The following PPP2R2B variants were observed in gnomAD, a reference collection of about 807,000 sequenced individuals.
PPP2R2B encodes the protein serine/threonine-protein phosphatase 2A 55 kDa regulatory subunit B beta isoform.
In PPP2R2B, 5 loss-of-function variants were observed where a neutral mutation model predicts 46.0. The observed-to-expected ratio is 0.11, with a 90% CI of 0.06 to 0.23. The LOEUF (loss-of-function observed/expected upper bound fraction) is 0.23, where lower values mean the gene tolerates loss of function less well. Ranked by LOEUF, PPP2R2B falls within the 10% of genes least tolerant of loss-of-function variation. The pLI, the probability that PPP2R2B is intolerant of heterozygous loss-of-function variation, is 1.00. For synonymous variants in PPP2R2B, 215 were observed against 206.7 expected (o/e 1.04, Z -0.34); for missense variants, 367 against 575.0 (o/e 0.64, Z 3.70).
chr5:146,740,585 A>T (rs1297438259), intron 2 of PPP2R2B, among the ~76,000 whole-genome samples: 1 of 121,806 alleles, frequency 8.2e-6, no homozygotes, highest in Non-Finnish European at 1.7e-5. Flanking sequence ...ACACACACAC[A>T]CACACACACA....
intron 7 of PPP2R2B, among the ~76,000 whole-genome samples, chr5:146,629,860 C>T (rs1054192703): frequency 9.2e-5 from 14 of 151,960 alleles, no homozygotes; most frequent in Admixed American, 3.3e-4. Context: ...GTTGCCTAGG[C>T]TAGAGTGCAG....
At chr5:147,042,491 T>C (rs915001088) in intron 1 of PPP2R2B, among the ~76,000 whole-genome samples, 1 of 152,184 alleles carries the variant, frequency 6.6e-6, no homozygotes, top group African/African-American at 2.4e-5. Flanking sequence ...ATACTGTAGA[T>C]AATTCTTATT....
intron 8 of PPP2R2B, among the ~76,000 whole-genome samples, chr5:146,597,188 G>GTC (rs1453179827): frequency 2.0e-5 from 3 of 152,188 alleles, no homozygotes; most frequent in Admixed American, 2.0e-4. Flanking sequence ...TTGTATCTCT[G>GTC]TCTCTCTTCC....
At chr5:146,978,145 C>T (rs1307298104) in intron 1 of PPP2R2B, among the ~76,000 whole-genome samples, 2 of 152,136 alleles carry the variant, frequency 1.3e-5, no homozygotes, top group Admixed American at 6.6e-5. Flanking sequence ...AGCATTTTTT[C>T]ATATGTTTGT....
chr5:147,012,808 T>A (rs1754806669), intron 1 of PPP2R2B, among the ~76,000 whole-genome samples: 1 of 152,008 alleles, frequency 6.6e-6, no homozygotes, highest in Non-Finnish European at 1.5e-5. Flanking sequence ...TCAAAGAACA[T>A]CTTTATTTCT....
At chr5:146,956,787 G>A (rs1369772690) in intron 1 of PPP2R2B, among the ~76,000 whole-genome samples, 2 of 152,176 alleles carry the variant, frequency 1.3e-5, no homozygotes. Context: ...AGCAGATTTG[G>A]TGTCTGATGA....
intron 2 of PPP2R2B, among the ~76,000 whole-genome samples, chr5:146,809,124 G>A (rs1351875002): frequency 6.6e-6 from 1 of 152,090 alleles, no homozygotes; most frequent in Non-Finnish European, 1.5e-5. Context: ...GGCTTTGGGG[G>A]CAGCTTTCTC....
intron 1 of PPP2R2B, among the ~76,000 whole-genome samples, chr5:147,034,901 C>T (rs1755962030): frequency 6.6e-6 from 1 of 151,668 alleles, no homozygotes; most frequent in Admixed American, 6.6e-5. Context: ...CTTTGGATAA[C>T]TGATGACTGA....
chr5:146,620,539 G>A (rs1773591796), intron 7 of PPP2R2B, among the ~76,000 whole-genome samples: 1 of 152,220 alleles, frequency 6.6e-6, no homozygotes, highest in Non-Finnish European at 1.5e-5. Flanking sequence ...CTTTATGAGC[G>A]CTCATATTTG....
chr5:146,813,922 A>C (rs902187991), intron 2 of PPP2R2B, among the ~76,000 whole-genome samples: 15 of 152,178 alleles, frequency 9.9e-5, no homozygotes, highest in African/African-American at 3.6e-4. Context: ...CCAGGACAGG[A>C]AGTGGCAAGA....
chr5:146,776,622 G>C (rs1312974735), intron 2 of PPP2R2B, among the ~76,000 whole-genome samples: 1 of 151,892 alleles, frequency 6.6e-6, no homozygotes. Flanking sequence ...AAAAGCACAG[G>C]TAACAATAAC....
chr5:147,054,468 G>A (rs1756976831), intron 1 of PPP2R2B: 2 of 307,590 alleles, frequency 6.5e-6, no homozygotes, highest in East Asian at 7.8e-5. Context: ...AATTTTTAAA[G>A]GGAAATGTCC....
At position 146,988,236 on chromosome 5, in the gene PPP2R2B, A is replaced by T. The variant is rs191103935; in HGVS notation, c.79+67429T>A. Among the ~76,000 whole-genome samples the T allele has an allele frequency of 2.0e-5, 3 of 152,092 alleles. No individual in the cohort carries two copies. The East Asian group carries it at 5.8e-4, about 29-fold the overall frequency. ...CTAGACCAAAAATCAACAAAGAAAT[A>T]TTGGAATTAAACGACAGTCTAGACC... is the stretch of plus-strand genomic sequence containing the variant. On this transcript the variant is annotated intron_variant, in intron 1 of 8. Transcript: ENST00000336640.
intron 1 of PPP2R2B, among the ~76,000 whole-genome samples, chr5:146,967,657 G>A (rs896412305): frequency 2.6e-5 from 4 of 152,092 alleles, no homozygotes; most frequent in Non-Finnish European, 1.5e-5. Context: ...AACCTCAGGG[G>A]CAGCCCCACT....
At chr5:146,818,873 G>A (rs1394911775) in intron 2 of PPP2R2B, among the ~76,000 whole-genome samples, 2 of 152,138 alleles carry the variant, frequency 1.3e-5, no homozygotes, top group Non-Finnish European at 2.9e-5. Flanking sequence ...TTGACTCCCC[G>A]ATGTAAAGAT....
chr5:146,792,005 T>G (rs1756231732), intron 2 of PPP2R2B, among the ~76,000 whole-genome samples: 1 of 152,096 alleles, frequency 6.6e-6, no homozygotes, highest in African/African-American at 2.4e-5. Context: ...ACAGAGCTAA[T>G]GAGATGTTAG....
chr5:146,602,651 G>A lies in PPP2R2B; in HGVS notation c.791-2191C>T, dbSNP rs76192236. Among the ~76,000 whole-genome samples, 227 of 152,248 alleles carry A rather than the reference G, an allele frequency of 1.5e-3. 1 individual carries two copies. The South Asian group carries it at 0.03, about 20-fold the overall frequency. ...AAGAACCCAAGTATATAATTAAGTT[G>A]CTGAATTAAACCGTGAACTAAGCCA... On this transcript the variant is annotated intron_variant, in intron 7 of 9. Coordinates refer to ENST00000394411, the MANE Select transcript of PPP2R2B (RefSeq NM_181675.4).
chr5:146,767,963 A>G (rs1218074475), intron 2 of PPP2R2B, among the ~76,000 whole-genome samples: 2 of 152,184 alleles, frequency 1.3e-5, no homozygotes, highest in African/African-American at 2.4e-5. Flanking sequence ...CCAGAGCCAT[A>G]TATTTTTTAA....
intron 1 of PPP2R2B, among the ~76,000 whole-genome samples, chr5:146,892,587 C>T (rs541279412): frequency 3.3e-5 from 5 of 152,162 alleles, no homozygotes; most frequent in Non-Finnish European, 5.9e-5. Flanking sequence ...TTCCAAGCCA[C>T]GCTCCTCACT....
Sources: gnomAD v4.1 joint callset for allele counts (sites outside exome capture counted in the v4.1 genomes callset) on GRCh38, gnomAD v4.1.1 for gene constraint, MANE v1.5 for transcripts, NCBI Gene and HGNC (gene_info 2026-07-23, HGNC 2026-07-21) for gene names.